The following OPCML variants were observed in gnomAD, a reference collection of about 807,000 sequenced individuals.
OPCML encodes the protein opioid binding protein/cell adhesion molecule like.
OPCML carries 13 observed loss-of-function variants against 37.8 expected under a neutral mutation model. That is an observed-to-expected ratio of 0.34 (90% CI 0.22 to 0.55). OPCML has a LOEUF of 0.55. Among genes scored for constraint, OPCML ranks in the 20% least tolerant of loss-of-function variants. OPCML has a pLI of 0.91. For synonymous variants in OPCML, 176 were observed against 168.8 expected (o/e 1.04, Z -0.33); for missense variants, 341 against 435.6 (o/e 0.78, Z 1.93).
chr11:132,540,289 C>T (rs1018412677), intron 3 of OPCML, among the ~76,000 whole-genome samples: 3 of 152,150 alleles, frequency 2.0e-5, no homozygotes, highest in Non-Finnish European at 4.4e-5. Flanking sequence ...ACCGGGGATC[C>T]TTATAATTAA....
chr11:133,294,545 C>A (rs2136547397), intron 1 of OPCML, among the ~76,000 whole-genome samples: 1 of 152,118 alleles, frequency 6.6e-6, no homozygotes, highest in East Asian at 1.9e-4. Flanking sequence ...TTAAACATTT[C>A]TTCATTGATG....
At chr11:132,995,189 C>T (rs1016198410) in intron 1 of OPCML, among the ~76,000 whole-genome samples, 15 of 152,178 alleles carry the variant, frequency 9.9e-5, no homozygotes, top group Admixed American at 3.3e-4. Context: ...TAAACGTGAG[C>T]GGGTAGCTCA....
chr11:132,725,949 A>T (rs546956555), intron 2 of OPCML, among the ~76,000 whole-genome samples: 3 of 152,142 alleles, frequency 2.0e-5, no homozygotes, highest in Non-Finnish European at 4.4e-5. Flanking sequence ...CCTCATTTCC[A>T]TCTGAGACCA....
intron 2 of OPCML, among the ~76,000 whole-genome samples, chr11:132,879,782 ATAG>A (rs35052655): frequency 0.055 from 8,369 of 152,240 alleles, 337 homozygotes; most frequent in South Asian, 0.13. Context: ...TGTATTTGCA[ATAG>A]TAGTGGGAGA....
intron 3 of OPCML, among the ~76,000 whole-genome samples, chr11:132,534,393 C>T (rs953372924): frequency 9.9e-5 from 15 of 152,128 alleles, no homozygotes; most frequent in Non-Finnish European, 1.6e-4. Context: ...TAGAACTGTG[C>T]TTGCCACATA....
At chr11:132,694,177 G>A (rs1410628653) in intron 2 of OPCML, among the ~76,000 whole-genome samples, 7 of 63,922 alleles carry the variant, frequency 1.1e-4, no homozygotes, top group Non-Finnish European at 2.1e-4. Context: ...TGAAATCAAT[G>A]TCTTTTTTTT....
chr11:133,111,384 G>A (rs1352351532), intron 1 of OPCML, among the ~76,000 whole-genome samples: 4 of 152,072 alleles, frequency 2.6e-5, no homozygotes, highest in Non-Finnish European at 5.9e-5. Flanking sequence ...TTTGCTTCTG[G>A]CTGGGGAGAG....
At chr11:132,990,138 T>C (rs1302328554) in intron 1 of OPCML, among the ~76,000 whole-genome samples, 1 of 152,142 alleles carries the variant, frequency 6.6e-6, no homozygotes, top group Non-Finnish European at 1.5e-5. Flanking sequence ...GCCATAACCA[T>C]GACTGAAAGC....
At chr11:132,703,084 C>T (rs1943894164) in intron 2 of OPCML, among the ~76,000 whole-genome samples, 1 of 152,114 alleles carries the variant, frequency 6.6e-6, no homozygotes, top group South Asian at 2.1e-4. Context: ...TACACTCCTG[C>T]ATTGCTTGAC....
chr11:132,553,749 G>A (rs542648953), intron 3 of OPCML, among the ~76,000 whole-genome samples: 18 of 152,302 alleles, frequency 1.2e-4, no homozygotes, highest in Middle Eastern at 3.4e-3. Flanking sequence ...CTCATTATCT[G>A]ATAATGCGGA....
At chr11:133,062,917 G>A (rs1361188248) in intron 1 of OPCML, among the ~76,000 whole-genome samples, 1 of 152,268 alleles carries the variant, frequency 6.6e-6, no homozygotes, top group Non-Finnish European at 1.5e-5. Context: ...GCCGGCAGCT[G>A]CAGCGCTGGG....
chr11:132,467,555 T>G (rs1592218675), intron 4 of OPCML, among the ~76,000 whole-genome samples: 1 of 152,198 alleles, frequency 6.6e-6, no homozygotes, highest in South Asian at 2.1e-4. Context: ...ATGTTTAAAA[T>G]GTAAGAGTTG....
chr11:133,372,350 G>GT (rs1944693857), intron 1 of OPCML, among the ~76,000 whole-genome samples: 1 of 152,126 alleles, frequency 6.6e-6, no homozygotes, highest in South Asian at 2.1e-4. Context: ...CTTTGTTCAA[G>GT]TTACTTAGTC....
At chr11:132,707,746 G>C (rs778968672) in intron 2 of OPCML, among the ~76,000 whole-genome samples, 8 of 152,290 alleles carry the variant, frequency 5.3e-5, no homozygotes, top group Admixed American at 2.6e-4. Flanking sequence ...ACTTGGATAT[G>C]TACAAACATA....
chr11:133,230,540 C>A (rs1351831865), intron 1 of OPCML, among the ~76,000 whole-genome samples: 1 of 152,176 alleles, frequency 6.6e-6, no homozygotes, highest in African/African-American at 2.4e-5. Flanking sequence ...AGTCCCCCAC[C>A]ACACCCAAAC....
intron 2 of OPCML, among the ~76,000 whole-genome samples, chr11:132,939,244 C>A (rs904191166): frequency 6.6e-6 from 1 of 152,190 alleles, no homozygotes; most frequent in Non-Finnish European, 1.5e-5. Context: ...CCCAGGCAAA[C>A]AACAGAACTT....
chr11:133,033,112 C>G (rs769268681), intron 1 of OPCML, among the ~76,000 whole-genome samples: 1 of 152,124 alleles, frequency 6.6e-6, no homozygotes, highest in Non-Finnish European at 1.5e-5. Context: ...GCAGATATTA[C>G]CCAGAAAAGG....
chr11:133,167,428 T>A (rs1950223562), intron 1 of OPCML, among the ~76,000 whole-genome samples: 1 of 152,114 alleles, frequency 6.6e-6, no homozygotes, highest in African/African-American at 2.4e-5. Flanking sequence ...AGATCTAGAA[T>A]CTGGTTGCCT....
chr11:133,358,770 A>ACTC (rs1235857123), intron 1 of OPCML, among the ~76,000 whole-genome samples: 1 of 152,008 alleles, frequency 6.6e-6, no homozygotes, highest in Non-Finnish European at 1.5e-5. Context: ...GCCCTGCCTG[A>ACTC]CTCGCTGGCA....
Sources: gnomAD v4.1 joint callset for allele counts (sites outside exome capture counted in the v4.1 genomes callset) on GRCh38, gnomAD v4.1.1 for gene constraint, MANE v1.5 for transcripts, NCBI Gene and HGNC (gene_info 2026-07-23, HGNC 2026-07-21) for gene names.